The following SNTG2 variants were observed in gnomAD, a reference collection of about 807,000 sequenced individuals.
The protein encoded by SNTG2 is gamma-2-syntrophin.
Under a neutral mutation model 70.9 loss-of-function variants are expected in SNTG2, and 74 were observed. The observed-to-expected ratio is 1.04, with a 90% CI of 0.86 to 1.27. The LOEUF (loss-of-function observed/expected upper bound fraction) is 1.27, where lower values mean the gene tolerates loss of function less well. SNTG2 is among the 50% of genes most tolerant of loss of function. SNTG2 has a pLI of 0.00. For synonymous variants in SNTG2, 278 were observed against 273.8 expected, an observed-to-expected ratio of 1.02 and a Z score of -0.15; for missense variants, 717 against 690.7, an observed-to-expected ratio of 1.04 and a Z score of -0.43.
At chr2:1,289,494 CTT>C (rs1679902236) in intron 14 of SNTG2, among the ~76,000 whole-genome samples, 2 of 152,186 alleles carry the variant, frequency 1.3e-5, no homozygotes, top group Admixed American at 1.3e-4. Flanking sequence ...CCATGGCACA[CTT>C]TGTGCACTGT....
At chr2:1,263,363 AATT>A (rs1678549586) in intron 13 of SNTG2, among the ~76,000 whole-genome samples, 2 of 152,264 alleles carry the variant, frequency 1.3e-5, no homozygotes. Context: ...TTATATTAAT[AATT>A]ATTGACATAT....
intron 14 of SNTG2, among the ~76,000 whole-genome samples, chr2:1,308,218 T>C (rs996676293): frequency 3.9e-5 from 6 of 152,208 alleles, no homozygotes; most frequent in Admixed American, 3.9e-4. Context: ...GGCTGGGCTC[T>C]GTGCATTTGT....
chr2:1,171,876 G>A (rs1671147360), intron 7 of SNTG2, among the ~76,000 whole-genome samples: 1 of 152,180 alleles, frequency 6.6e-6, no homozygotes, highest in African/African-American at 2.4e-5. Context: ...GCAGATTGGA[G>A]GTTAGAGGGT....
intron 9 of SNTG2, among the ~76,000 whole-genome samples, chr2:1,213,287 A>G (rs1674165256): frequency 6.6e-6 from 1 of 152,198 alleles, no homozygotes; most frequent in African/African-American, 2.4e-5. Context: ...TACTCACTTA[A>G]CATCATTGAT....
chr2:1,030,876 T>A (rs1000176056), intron 1 of SNTG2, among the ~76,000 whole-genome samples: 1 of 152,228 alleles, frequency 6.6e-6, no homozygotes, highest in Non-Finnish European at 1.5e-5. Context: ...ACTATTCGTG[T>A]GACCCCAGAT....
chr2:1,297,955 A>G (rs1299686693), intron 14 of SNTG2, among the ~76,000 whole-genome samples: 2 of 152,102 alleles, frequency 1.3e-5, no homozygotes, highest in African/African-American at 4.8e-5. Context: ...GAATCTAGAA[A>G]TGTGTGGAGC....
At chr2:1,227,602 C>A (rs1443548373) in intron 9 of SNTG2, among the ~76,000 whole-genome samples, 1 of 152,220 alleles carries the variant, frequency 6.6e-6, no homozygotes, top group Non-Finnish European at 1.5e-5. Flanking sequence ...ACACAAGCTC[C>A]TCAGGCCTGT....
At chr2:1,061,393 G>C (rs1483125964) in intron 1 of SNTG2, among the ~76,000 whole-genome samples, 1 of 152,246 alleles carries the variant, frequency 6.6e-6, no homozygotes, top group Non-Finnish European at 1.5e-5. Flanking sequence ...GTGTGCAGAA[G>C]TGCTGATTGC....
At chr2:1,188,741 ATCTC>A (rs951658276) in intron 8 of SNTG2, among the ~76,000 whole-genome samples, 1 of 152,200 alleles carries the variant, frequency 6.6e-6, no homozygotes, top group African/African-American at 2.4e-5. Flanking sequence ...GGTATCAGTC[ATCTC>A]TCTCAAATAT....
chr2:1,223,396 G>A (rs1216663526), intron 9 of SNTG2, among the ~76,000 whole-genome samples: 1 of 151,510 alleles, frequency 6.6e-6, no homozygotes, highest in Admixed American at 6.6e-5. Flanking sequence ...GAGGAAAGCA[G>A]CGCAGTGATG....
chr2:982,974 AAGC>A (rs1398924865), intron 1 of SNTG2, among the ~76,000 whole-genome samples: 1 of 151,662 alleles, frequency 6.6e-6, no homozygotes, highest in South Asian at 2.1e-4. Flanking sequence ...GGTCAGGATG[AAGC>A]AGAAGCTGCA....
intron 1 of SNTG2, among the ~76,000 whole-genome samples, chr2:984,969 GAC>G (rs1371336162): frequency 7.9e-6 from 1 of 127,312 alleles, no homozygotes; most frequent in Non-Finnish European, 1.7e-5. Context: ...CACTAGAAAA[GAC>G]AGTTCTAGGC....
At position 1,087,385 on chromosome 2, in the gene SNTG2, A is replaced by G. The variant is rs998898005; in HGVS notation, c.210+3730A>G. 3.3e-5 allele frequency among the ~76,000 whole-genome samples: 5 copies of G among 152,178 alleles called. No individual in the cohort carries two copies. In the East Asian group the frequency reaches 9.6e-4, roughly 29 times the overall value. Reference sequence around the variant, plus strand: ...GTAATGTAAGTCTGTAGACTTAACTATCAGAATTCAAAGTACATCGTGCTC... The same window carrying G: ...GTAATGTAAGTCTGTAGACTTAACTGTCAGAATTCAAAGTACATCGTGCTC... On this transcript the variant is annotated intron_variant, in intron 2 of 16. Transcript: ENST00000308624.
At chr2:1,188,516 A>G (rs1048402521) in intron 8 of SNTG2, among the ~76,000 whole-genome samples, 3 of 152,158 alleles carry the variant, frequency 2.0e-5, no homozygotes, top group African/African-American at 7.2e-5. Context: ...ATTTTCATAC[A>G]TTTTACTGAA....
At chr2:1,118,092 G>A (rs1667151448) in intron 4 of SNTG2, among the ~76,000 whole-genome samples, 1 of 152,096 alleles carries the variant, frequency 6.6e-6, no homozygotes, top group Non-Finnish European at 1.5e-5. Context: ...CAGCTTTGTG[G>A]ACAATCTGAA....
intron 1 of SNTG2, among the ~76,000 whole-genome samples, chr2:1,067,070 A>G (rs575142304): frequency 6.6e-6 from 1 of 152,138 alleles, no homozygotes; most frequent in Non-Finnish European, 1.5e-5. Context: ...AAATCGCTCA[A>G]ATTTGCTTTT....
At chr2:1,140,344 C>G (rs1227664089) in intron 6 of SNTG2, among the ~76,000 whole-genome samples, 1 of 152,246 alleles carries the variant, frequency 6.6e-6, no homozygotes, top group South Asian at 2.1e-4. Context: ...AATACTGTAG[C>G]CAGCTACAGC....
intron 8 of SNTG2, among the ~76,000 whole-genome samples, chr2:1,199,969 C>A (rs983312181): frequency 6.6e-6 from 1 of 151,624 alleles, no homozygotes; most frequent in Non-Finnish European, 1.5e-5. Context: ...TAATGCAATC[C>A]CTATAAAAAT....
intron 8 of SNTG2, among the ~76,000 whole-genome samples, chr2:1,195,220 T>G (rs1558516455): frequency 6.6e-6 from 1 of 152,208 alleles, no homozygotes; most frequent in Non-Finnish European, 1.5e-5. Context: ...TAGAATTATT[T>G]ATAATCCTTT....
Sources: gnomAD v4.1 joint callset for allele counts (sites outside exome capture counted in the v4.1 genomes callset) on GRCh38, gnomAD v4.1.1 for gene constraint, MANE v1.5 for transcripts, NCBI Gene and HGNC (gene_info 2026-07-23, HGNC 2026-07-21) for gene names.